DCDC2: variants seen among roughly 807,000 people sequenced by gnomAD.
The protein encoded by DCDC2 is doublecortin domain-containing protein 2.
A neutral mutation model predicts 50.2 loss-of-function variants in DCDC2; 40 were observed. The ratio of observed to expected loss-of-function variants is 0.80; its 90% CI spans 0.62 to 1.04. The LOEUF (loss-of-function observed/expected upper bound fraction) is 1.04, where lower values mean the gene tolerates loss of function less well. DCDC2 is among the 50% of genes least tolerant of loss of function. The probability of loss-of-function intolerance (pLI) is 0.00; values close to 1 mark genes in which losing one functional copy is unlikely to be tolerated. For missense variants in DCDC2, 570 were observed against 581.9 expected (o/e 0.98, Z 0.21); for synonymous variants, 234 against 210.6 (o/e 1.11, Z -0.96).
At chr6:24,289,968 C>CTTTTTT (rs1561760462) in intron 5 of DCDC2, among the ~76,000 whole-genome samples, 1 of 100,814 alleles carries the variant, frequency 9.9e-6, no homozygotes, top group African/African-American at 3.7e-5. Flanking sequence ...GGCCAGAGCT[C>CTTTTTT]TTCTTTTTTT....
Position 24,220,899 on chromosome 6 carries a change from C to CGAGAGAGACAGAGAGCGA in DCDC2, c.923-15798_923-15797insTCGCTCTCTGTCTCTCTC, listed in dbSNP as rs71002476. Among the ~76,000 whole-genome samples, 339 of 115,804 alleles carry CGAGAGAGACAGAGAGCGA rather than the reference C, an allele frequency of 2.9e-3. 6 individuals are homozygous for CGAGAGAGACAGAGAGCGA. Among genetic ancestry groups the CGAGAGAGACAGAGAGCGA allele is most frequent in the Middle Eastern group, 4.6e-3 (1 of 218 alleles). The allele number at this position is 115,804 out of a possible 152,430, so 76.0% of individuals were successfully genotyped here. A position where few individuals can be genotyped will look rare whatever the true frequency, so the allele number is the denominator to read the frequency against. Reference sequence around the variant, plus strand: ...GAGCGAGAGCGAGAGAGTGAGCGAGCGAGCGAGAGAGTGAGCGAGCGAGCG... The same window carrying CGAGAGAGACAGAGAGCGA: ...GAGCGAGAGCGAGAGAGTGAGCGAGCGAGAGAGACAGAGAGCGAGAGCGAGAGAGTGAGCGAGCGAGCG... On this transcript the variant is annotated intron_variant, in intron 7 of 9. Coordinates refer to ENST00000378454, the MANE Select transcript of DCDC2 (RefSeq NM_016356.5).
upstream of DCDC2, among the ~76,000 whole-genome samples, chr6:24,360,469 ATGTC>A (rs1013483286): frequency 6.6e-6 from 1 of 152,168 alleles, no homozygotes; most frequent in African/African-American, 2.4e-5. Context: ...AGAAGGCTAA[ATGTC>A]TGACTGGCTG....
chr6:24,274,317 C>T (rs934606019), intron 7 of DCDC2, among the ~76,000 whole-genome samples: 20 of 152,110 alleles, frequency 1.3e-4, no homozygotes, highest in African/African-American at 4.3e-4. Flanking sequence ...AAACAATCAT[C>T]GTTACTGTTT....
At chr6:24,235,997 C>T (rs1280145902) in intron 7 of DCDC2, among the ~76,000 whole-genome samples, 1 of 152,050 alleles carries the variant, frequency 6.6e-6, no homozygotes, top group African/African-American at 2.4e-5. Flanking sequence ...ATTAGAAGAG[C>T]CAATGTCATT....
intron 7 of DCDC2, among the ~76,000 whole-genome samples, chr6:24,255,987 CAA>C (rs1762890957): frequency 6.6e-6 from 1 of 152,094 alleles, no homozygotes; most frequent in South Asian, 2.1e-4. Context: ...GGAAACAAGA[CAA>C]AACTCCATCA....
chr6:24,359,034 T>TTA (rs1366173837), upstream of DCDC2, among the ~76,000 whole-genome samples: 1 of 24,318 alleles, frequency 4.1e-5, no homozygotes, highest in East Asian at 2.2e-3. Context: ...ATTTTATATT[T>TTA]TATATATATT....
chr6:24,203,118 A>T (rs1009485792), intron 8 of DCDC2, among the ~76,000 whole-genome samples: 1 of 152,216 alleles, frequency 6.6e-6, no homozygotes, highest in Non-Finnish European at 1.5e-5. Context: ...CTTTCTTCAC[A>T]AAATTGGAAA....
chr6:24,210,336 T>C (rs978705383), intron 7 of DCDC2, among the ~76,000 whole-genome samples: 1 of 152,172 alleles, frequency 6.6e-6, no homozygotes, highest in Non-Finnish European at 1.5e-5. Flanking sequence ...ACTGTCTAAC[T>C]TGACACTTCA....
upstream of DCDC2, among the ~76,000 whole-genome samples, chr6:24,358,786 TAAA>T (rs1420821586): frequency 1.2e-5 from 1 of 82,692 alleles, no homozygotes; most frequent in Non-Finnish European, 2.2e-5. Flanking sequence ...ATATAATATA[TAAA>T]ATATATATTT....
chr6:24,238,266 T>C (rs1037875320), intron 7 of DCDC2, among the ~76,000 whole-genome samples: 22 of 145,932 alleles, frequency 1.5e-4, no homozygotes, highest in Non-Finnish European at 3.2e-4. Flanking sequence ...TCAAACCACA[T>C]CTTGGACACT....
intron 8 of DCDC2, among the ~76,000 whole-genome samples, chr6:24,199,362 G>C (rs1206345432): frequency 2.0e-5 from 3 of 152,192 alleles, no homozygotes; most frequent in Non-Finnish European, 4.4e-5. Flanking sequence ...GTGATACCCA[G>C]GCAAACAGAG....
chr6:24,288,687 G>C (rs1302503758), intron 6 of DCDC2, among the ~76,000 whole-genome samples, 165 bp downstream of exon 6: 4 of 152,130 alleles, frequency 2.6e-5, no homozygotes, highest in African/African-American at 4.8e-5. Flanking sequence ...CTCTGTTTAG[G>C]ACCATAAGTG....
chr6:24,360,140 T>A (rs556210390), upstream of DCDC2, among the ~76,000 whole-genome samples: 1 of 152,344 alleles, frequency 6.6e-6, no homozygotes, highest in South Asian at 2.1e-4. Flanking sequence ...GGAGTTGTTA[T>A]TTCCCGCTGT....
chr6:24,376,915 G>A, the DCDC2 span, among the ~76,000 whole-genome samples: 63,665 of 151,540 alleles, frequency 0.42, 14,792 homozygotes, highest in Non-Finnish European at 0.52. Context: ...TCACAAACAC[G>A]CCACCTTGGA....
Position 24,350,540 on chromosome 6 carries a change from T to C in DCDC2, c.348+3029A>G, listed in dbSNP as rs189470061. ...TGGTGGCTTTTATTATGCAGGCCCA[T>C]CACTGAAAACTCAAAATTACCTTAG... On this transcript the variant is annotated intron_variant, in intron 2 of 9. Coordinates refer to ENST00000378454, the MANE Select transcript of DCDC2 (RefSeq NM_016356.5). Among the ~76,000 whole-genome samples the C allele has an allele frequency of 2.4e-4, 36 of 152,236 alleles. No homozygotes were observed. In the East Asian group the frequency reaches 6.9e-3, roughly 29 times the overall value.
At chr6:24,216,420 G>C (rs1339275366) in intron 7 of DCDC2, among the ~76,000 whole-genome samples, 1 of 152,178 alleles carries the variant, frequency 6.6e-6, no homozygotes, top group Non-Finnish European at 1.5e-5. Context: ...CGCCATTTGG[G>C]GATCCCCTTG....
the DCDC2 span, among the ~76,000 whole-genome samples, chr6:24,380,857 G>A: frequency 7.2e-5 from 11 of 152,130 alleles, no homozygotes; most frequent in Non-Finnish European, 1.6e-4. Flanking sequence ...ACTGTGGGAG[G>A]CCCAGGGCTT....
chr6:24,187,229 A>C (rs1424745875), intron 8 of DCDC2, among the ~76,000 whole-genome samples: 1 of 152,184 alleles, frequency 6.6e-6, no homozygotes. Flanking sequence ...TGGATGTGGC[A>C]GGGAAAGAAG....
chr6:24,302,749 G>A (rs1759405378), intron 2 of DCDC2, among the ~76,000 whole-genome samples: 2 of 151,912 alleles, frequency 1.3e-5, no homozygotes, highest in Non-Finnish European at 2.9e-5. Flanking sequence ...GCCATCACCT[G>A]GACCTCAGTA....
Sources: gnomAD v4.1 joint callset for allele counts (sites outside exome capture counted in the v4.1 genomes callset) on GRCh38, gnomAD v4.1.1 for gene constraint, MANE v1.5 for transcripts, NCBI Gene and HGNC (gene_info 2026-07-23, HGNC 2026-07-21) for gene names.